Variants in MRPS25 observed in about 807,000 individuals in gnomAD.
MRPS25 encodes mitochondrial ribosomal protein S25.
MRPS25 carries 15 observed loss-of-function variants against 17.3 expected under a neutral mutation model. That is an observed-to-expected ratio of 0.87 (90% confidence interval 0.58 to 1.34). The LOEUF is 1.34. Among genes scored for constraint, MRPS25 ranks in the 40% most tolerant of loss-of-function variants. MRPS25 has a pLI of 0.00. For synonymous variants in MRPS25, 94 were observed against 83.3 expected (o/e 1.13, Z -0.70); for missense variants, 225 against 218.6 (o/e 1.03, Z -0.19).
chr3:15,052,760 C>G, intron 3 of MRPS25, 127 bp from the exon 4 acceptor site: 1 of 987,924 alleles, frequency 1.0e-6, no homozygotes, highest in Non-Finnish European at 1.5e-6. Flanking sequence ...CTAACCTGAT[C>G]CTCACTGTCA....
In MRPS25 at chr3:15,053,478, A is replaced by T; in HGVS notation, c.242-11T>A. 3.1e-6 allele frequency: 5 copies of T among 1,614,194 alleles called. No individual in the cohort carries two copies. Among genetic ancestry groups the T allele is most frequent in the Non-Finnish European group, 4.2e-6 (5 of 1,180,008 alleles). ...CCTGCTCCCCAGAATCTGGAAACGG[A>T]AAGCACGGGGCAGAAGAGAAACAGA... On this transcript the variant is annotated splice_polypyrimidine_tract_variant and intron_variant, in intron 2 of 3. Transcript: ENST00000253686.
At chr3:15,055,939 C>T (rs1312883931) in intron 2 of MRPS25, among the ~76,000 whole-genome samples, 3 of 150,946 alleles carry the variant, frequency 2.0e-5, no homozygotes, top group East Asian at 1.9e-4. Context: ...TCAGGCCGGA[C>T]GCAGTGGCTC....
chr3:15,044,908 T>C (rs2042398273), downstream of MRPS25: 1 of 152,224 alleles, frequency 6.6e-6, no homozygotes, highest in South Asian at 2.1e-4. Flanking sequence ...ACTTCTAAAT[T>C]CTTGTTTGGA....
At chr3:15,043,679 G>C (rs1393722512), downstream of MRPS25, 2 of 152,418 alleles carry the variant, frequency 1.3e-5, no homozygotes, top group Non-Finnish European at 2.9e-5. Flanking sequence ...GAGTGTGGTA[G>C]CACAGTCGGT....
Position 15,051,248 on chromosome 3 carries a change from C to A in MRPS25, c.*1193G>T, listed in dbSNP as rs1044301424. On this transcript the variant is annotated 3_prime_UTR_variant, in exon 4 of 4. Transcript: ENST00000253686. ...GCCCAGGCTGGAGTGCAGTAGCGCA[C>A]GATCATGATTCACTGCAGCCTTGAT... The A allele has an allele frequency of 3.3e-6, 3 of 911,212 alleles. No individual in the cohort carries two copies. The Admixed American group carries it at 1.9e-4, about 56-fold the overall frequency. 56.4% of individuals were successfully genotyped at this position (911,212 alleles called of 1,614,324 possible). A position where few individuals can be genotyped will look rare whatever the true frequency, so the allele number is the denominator to read the frequency against.
rs1404566095 is a variant in MRPS25, at chr3:15,051,110, T to TA, written c.*1330dup. The TA allele has an allele frequency of 2.0e-6, 2 of 985,292 alleles. No individual in the cohort carries two copies. Among genetic ancestry groups the TA allele is most frequent in the Non-Finnish European group, 2.4e-6 (2 of 829,920 alleles). The allele number at this position is 985,292 out of a possible 1,614,324, so 61.0% of individuals were successfully genotyped here. A position where few individuals can be genotyped will look rare whatever the true frequency, so the allele number is the denominator to read the frequency against. Reference sequence around the variant, plus strand: ...TTAACCACTGCCTTCCTGTCTCAGATAAAGTCAGGTCTCCTTGGCTGAGTT... The same window carrying TA: ...TTAACCACTGCCTTCCTGTCTCAGATAAAAGTCAGGTCTCCTTGGCTGAGTT... On this transcript the variant is annotated 3_prime_UTR_variant, in exon 4 of 4. Transcript: ENST00000253686.
intron 2 of MRPS25, among the ~76,000 whole-genome samples, chr3:15,054,398 T>G (rs1044602604): frequency 4.6e-5 from 7 of 151,828 alleles, no homozygotes; most frequent in African/African-American, 1.5e-4. Context: ...ATTTAGACTT[T>G]TACCCACAAC....
At chr3:15,045,652 C>G (rs1378027662), downstream of MRPS25, 1 of 152,678 alleles carries the variant, frequency 6.5e-6, no homozygotes, top group African/African-American at 2.4e-5. Context: ...CATCTCCTGT[C>G]AGGTTGGTTA....
At chr3:15,055,731 A>T (rs2042661972) in intron 2 of MRPS25, among the ~76,000 whole-genome samples, 1 of 151,472 alleles carries the variant, frequency 6.6e-6, no homozygotes, top group Admixed American at 6.6e-5. Flanking sequence ...TCTTTTAAAA[A>T]AAAATTTTTT....
At chr3:15,044,893 T>C (rs2042397745), downstream of MRPS25, 1 of 152,278 alleles carries the variant, frequency 6.6e-6, no homozygotes, top group South Asian at 2.1e-4. Flanking sequence ...GGAACAGTGT[T>C]TCCAACTTCT....
At chr3:15,060,235 G>A (rs2042732502) in intron 1 of MRPS25, among the ~76,000 whole-genome samples, 1 of 152,112 alleles carries the variant, frequency 6.6e-6, no homozygotes, top group South Asian at 2.1e-4. Context: ...GCTCTCAGCT[G>A]GGTGCAGTGG....
At chr3:15,060,515 CAAAA>C (rs35071871) in intron 1 of MRPS25, among the ~76,000 whole-genome samples, 9 of 81,096 alleles carry the variant, frequency 1.1e-4, no homozygotes, top group African/African-American at 2.1e-4. Flanking sequence ...GGTCCTCTCT[CAAAA>C]AAAAAAAAAA....
Position 15,062,373 on chromosome 3 carries a change from G to C in MRPS25, c.134+2688C>G, listed in dbSNP as rs1234937565. On this transcript the variant is annotated intron_variant, in intron 1 of 3. Transcript: ENST00000253686. ...GTGAGGAGCCCCTCTGCCCGGCCAGGCCGCCCCGTCCGGGAGGGAGGTGGG... is the reference window on the plus strand; with the variant it reads ...GTGAGGAGCCCCTCTGCCCGGCCAGCCCGCCCCGTCCGGGAGGGAGGTGGG... Among the ~76,000 whole-genome samples the C allele has an allele frequency of 1.8e-3, 24 of 13,292 alleles. 1 individual carries two copies. Among genetic ancestry groups the C allele is most frequent in the Non-Finnish European group, 2.2e-3 (11 of 5,106 alleles). The allele number at this position is 13,292 out of a possible 152,430, so 8.7% of individuals were successfully genotyped here.
chr3:15,053,733 A>T (rs2125132655), intron 2 of MRPS25: 1 of 480,358 alleles, frequency 2.1e-6, no homozygotes, highest in Non-Finnish European at 3.8e-6. Context: ...CAATATTCTT[A>T]AGACGGCAAT....
At chr3:15,047,096 AGT>A (rs1171221983), downstream of MRPS25, 1 of 152,656 alleles carries the variant, frequency 6.6e-6, no homozygotes, top group Non-Finnish European at 1.5e-5. Flanking sequence ...CAGTGTATAT[AGT>A]GTGTGTATGT....
Position 15,050,858 on chromosome 3 carries a change from C to A in MRPS25, c.*1583G>T. ...CAAATGTAAAAGATCCAAATCTGCTCAATTTAATGTGATAATCTCCAACAG... is the reference window on the plus strand; with the variant it reads ...CAAATGTAAAAGATCCAAATCTGCTAAATTTAATGTGATAATCTCCAACAG... On this transcript the variant is annotated 3_prime_UTR_variant, in exon 4 of 4. Transcript: ENST00000253686. The A allele has an allele frequency of 5.1e-6, 5 of 985,356 alleles. No individual in the cohort carries two copies. The highest frequency in any genetic ancestry group is 5.2e-4 in the Middle Eastern group (1 of 1,914). 61.0% of individuals were successfully genotyped at this position (985,356 alleles called of 1,614,324 possible). A position where few individuals can be genotyped will look rare whatever the true frequency, so the allele number is the denominator to read the frequency against.
In MRPS25 at chr3:15,053,406, G is replaced by C. The variant is rs1178079738; in HGVS notation, c.303C>G (p.His101Gln). 2.5e-6 allele frequency: 4 copies of C among 1,614,032 alleles called. No homozygotes were observed. The highest frequency in any genetic ancestry group is 1.6e-4 in the Middle Eastern group (1 of 6,062). The change falls in exon 3 of 4, where the codon CAC becomes CAG. Residue 101 changes from histidine to glutamine, a missense_variant. Transcript: ENST00000253686. ...ETKSNKEIME[H>Q]IRKILGKNEE... ...CATTCTTCCCCAAGATTTTTCTGATGTGCTCCATGATCTCCTTATTGCTCT... is the reference window on the plus strand; with the variant it reads ...CATTCTTCCCCAAGATTTTTCTGATCTGCTCCATGATCTCCTTATTGCTCT...
In MRPS25 at chr3:15,049,548, G is replaced by C. The variant is rs995022690; in HGVS notation, c.*2893C>G. On this transcript the variant is annotated 3_prime_UTR_variant, in exon 4 of 4. Coordinates refer to ENST00000253686, the MANE Select transcript of MRPS25 (RefSeq NM_022497.5). ...GTGGAGGTAGGGAAGCCACACACAT[G>C]TTTCTGGAGCAGAGCACAGTTAGGC... is the stretch of plus-strand genomic sequence containing the variant. 2.4e-4 allele frequency: 77 copies of C among 319,586 alleles called. No individual in the cohort carries two copies. Among genetic ancestry groups the C allele is most frequent in the Non-Finnish European group, 1.6e-4 (28 of 176,336 alleles). The allele number at this position is 319,586 out of a possible 1,614,324, so 19.8% of individuals were successfully genotyped here. A position where few individuals can be genotyped will look rare whatever the true frequency, so the allele number is the denominator to read the frequency against.
downstream of MRPS25, chr3:15,043,989 T>A (rs1401780488): frequency 3.3e-5 from 5 of 152,138 alleles, no homozygotes; most frequent in East Asian, 9.6e-4. Context: ...TCCAATACAA[T>A]TGGGGGTGCT....
Sources: allele counts gnomAD v4.1 joint callset (sites outside exome capture counted in the v4.1 genomes callset), GRCh38; gene constraint gnomAD v4.1.1; transcripts MANE v1.5; gene names NCBI Gene and HGNC (gene_info 2026-07-23, HGNC 2026-07-21).